RNASEL: variants seen among roughly 807,000 people sequenced by gnomAD.
The protein encoded by RNASEL is 2-5A-dependent ribonuclease.
In RNASEL, 36 loss-of-function variants were observed where a neutral mutation model predicts 50.9. The ratio of observed to expected loss-of-function variants is 0.71; its 90% confidence interval spans 0.54 to 0.93. The LOEUF (loss-of-function observed/expected upper bound fraction) is 0.93. RNASEL is among the 40% of genes least tolerant of loss of function. RNASEL has a pLI of 0.00. For missense variants in RNASEL, 860 were observed against 894.5 expected (o/e 0.96, Z 0.49); for synonymous variants, 335 against 335.6 (o/e 1.00, Z 0.02).
rs2102370947 is a variant in RNASEL at position 182,585,926 on chromosome 1, T to C, written c.881A>G (p.Lys294Arg). ...KLKKIAELLC[K>R]RGASTDCGDL... ...CCCACAATCTGTACTGGCTCCACGT[T>C]TGCACAGCAACTCGGCGATTTTCTT... Residue 294 changes from lysine to arginine, a missense_variant, in exon 2 of 7, where the codon AAA (lysine) becomes AGA (arginine). Coordinates refer to ENST00000367559, the MANE Select transcript of RNASEL (RefSeq NM_021133.4). 2 of 1,614,182 alleles carry C rather than the reference T, an allele frequency of 1.2e-6. No homozygotes were observed. Among genetic ancestry groups the C allele is most frequent in the Non-Finnish European group, 1.7e-6 (2 of 1,180,020 alleles).
At chr1:182,581,416 C>T (rs1661493754) in intron 4 of RNASEL, 59 bp from the exon 5 acceptor site, 3 of 1,603,870 alleles carry the variant, frequency 1.9e-6, no homozygotes, top group South Asian at 2.2e-5. Flanking sequence ...CTTTCCTTTT[C>T]CAGAAAAAGA....
chr1:182,575,376 C>T lies in RNASEL; in HGVS notation c.*16G>A. 6.2e-7 allele frequency: 1 copy of T among 1,612,552 alleles called. No homozygotes were observed. The highest frequency in any genetic ancestry group is 1.3e-5 in the African/African-American group (1 of 75,000). On this transcript the variant is annotated 3_prime_UTR_variant, in exon 7 of 7. Coordinates refer to ENST00000367559, the MANE Select transcript of RNASEL (RefSeq NM_021133.4). Reference sequence around the variant, plus strand: ...CAGCTAATAAGTAGTTCCCTGAACTCCAGCAAATCAGTCCATCAGCACCCA... The same window carrying T: ...CAGCTAATAAGTAGTTCCCTGAACTTCAGCAAATCAGTCCATCAGCACCCA...
chr1:182,575,606 T>A (rs771526185), intron 6 of RNASEL, 28 bp from the exon 7 acceptor site: 6 of 1,613,464 alleles, frequency 3.7e-6, no homozygotes, highest in East Asian at 2.2e-5. Flanking sequence ...TTGTTCAGCA[T>A]GCTTGCCCCA....
At chr1:182,579,519 G>A (rs1184170021) in intron 5 of RNASEL, 18 of 1,102,908 alleles carry the variant, frequency 1.6e-5, no homozygotes, top group Non-Finnish European at 2.0e-5. Context: ...AAGCACGTAT[G>A]TGTGGCAGGA....
intron 5 of RNASEL, chr1:182,578,369 A>G (rs536109093): frequency 1.3e-5 from 2 of 152,266 alleles, no homozygotes; most frequent in African/African-American, 4.8e-5. Flanking sequence ...GCCAAAAAGC[A>G]TATGAAAAAA....
intron 3 of RNASEL, among the ~76,000 whole-genome samples, chr1:182,583,408 C>A (rs1661531698): frequency 6.6e-6 from 1 of 152,186 alleles, no homozygotes; most frequent in Non-Finnish European, 1.5e-5. Context: ...CTTGAACATT[C>A]TTTTTTTCCT....
intron 1 of RNASEL, among the ~76,000 whole-genome samples, chr1:182,588,498 T>C (rs1661641698): frequency 6.6e-6 from 1 of 152,202 alleles, no homozygotes; most frequent in Admixed American, 6.5e-5. Flanking sequence ...CTGGCAGCTA[T>C]CAATTTCGTC....
intron 5 of RNASEL, among the ~76,000 whole-genome samples, chr1:182,580,351 A>T (rs1453506146): frequency 6.6e-6 from 1 of 152,176 alleles, no homozygotes; most frequent in African/African-American, 2.4e-5. Flanking sequence ...CAGTCTAGAG[A>T]CCAGTGAGGG....
At chr1:182,584,900 C>A (rs923244530) in intron 2 of RNASEL, among the ~76,000 whole-genome samples, 3 of 152,158 alleles carry the variant, frequency 2.0e-5, no homozygotes, top group Non-Finnish European at 4.4e-5. Context: ...CTGACTTGTT[C>A]TGCCTTGGAG....
At chr1:182,579,479 A>T (rs1661451227) in intron 5 of RNASEL, 1 of 1,030,596 alleles carries the variant, frequency 9.7e-7, no homozygotes, top group Admixed American at 5.1e-5. Context: ...GGCCAGGTGC[A>T]CTCTGTGCAG....
At position 182,574,768 on chromosome 1, in the gene RNASEL, T is replaced by C. The variant is rs1661349469; in HGVS notation, c.*624A>G. ...CTGCCTTAAGGTCATGGAAAACCAA[T>C]GCAGTTGGTTCTGGAAGGAGTGGAA... is the stretch of plus-strand genomic sequence containing the variant. On this transcript the variant is annotated 3_prime_UTR_variant, in exon 7 of 7. Coordinates refer to ENST00000367559, the MANE Select transcript of RNASEL (RefSeq NM_021133.4). 8.6e-6 allele frequency: 2 copies of C among 232,060 alleles called. No homozygotes were observed. The highest frequency in any genetic ancestry group is 5.7e-5 in the Admixed American group (1 of 17,662). 14.4% of individuals were successfully genotyped at this position (232,060 alleles called of 1,614,324 possible).
At chr1:182,579,838 C>A in intron 5 of RNASEL, 3 of 692,226 alleles carry the variant, frequency 4.3e-6, no homozygotes, top group Non-Finnish European at 6.8e-6. Context: ...GCCTCAATTT[C>A]CTCAGTGAGT....
intron 2 of RNASEL, among the ~76,000 whole-genome samples, 161 bp downstream of exon 2, chr1:182,585,166 A>G (rs150572727): frequency 7.2e-5 from 11 of 152,370 alleles, no homozygotes; most frequent in Non-Finnish European, 1.6e-4. Context: ...AATTGGTAGC[A>G]GGAGACACTG....
In RNASEL at chr1:182,582,173, AC is replaced by A. The variant is rs1661509245; in HGVS notation, c.1651del (p.Val551PhefsTer23). On this transcript the variant is annotated frameshift_variant, in exon 4 of 7. Transcript: ENST00000367559. LOFTEE classifies it high-confidence loss of function. ...AGTTTCCTCATCTGGAGAAAGTTGA[AC>A]CACCTCTTCATTACTTTGAGCTTTC... The part of the protein sequence containing the change: ...DLKAQSNEEV[V>X]QLSPDEETKD... 1 of 1,614,104 alleles carries A rather than the reference AC, an allele frequency of 6.2e-7. No homozygotes were observed. The highest frequency in any genetic ancestry group is 1.3e-5 in the African/African-American group (1 of 74,928).
intron 5 of RNASEL, among the ~76,000 whole-genome samples, chr1:182,580,463 G>C (rs1661471051): frequency 6.6e-6 from 1 of 152,224 alleles, no homozygotes; most frequent in Non-Finnish European, 1.5e-5. Context: ...TTCTCCCATA[G>C]TGCTTTGCAC....
chr1:182,580,928 A>T (rs532282113), intron 5 of RNASEL, among the ~76,000 whole-genome samples: 2,683 of 152,250 alleles, frequency 0.018, 83 homozygotes, highest in African/African-American at 0.062. Flanking sequence ...TAGGATTATC[A>T]GCTAAGTGAG....
intron 2 of RNASEL, among the ~76,000 whole-genome samples, chr1:182,584,983 T>C (rs958972316): frequency 6.6e-6 from 1 of 152,216 alleles, no homozygotes; most frequent in Non-Finnish European, 1.5e-5. Flanking sequence ...GTAAGTTTCA[T>C]GGTTACTGCC....
chr1:182,575,708 G>T, intron 6 of RNASEL, 130 bp from the exon 7 acceptor site: 1 of 1,135,976 alleles, frequency 8.8e-7, no homozygotes, highest in Non-Finnish European at 1.3e-6. Context: ...TTTGGAATCT[G>T]ACAGAGCAAG....
intron 1 of RNASEL, among the ~76,000 whole-genome samples, chr1:182,587,851 T>C (rs1005333375): frequency 6.6e-6 from 1 of 152,230 alleles, no homozygotes; most frequent in East Asian, 1.9e-4. Flanking sequence ...TTGACTTTGA[T>C]TTATGATTTT....
Sources: allele counts gnomAD v4.1 joint callset (sites outside exome capture counted in the v4.1 genomes callset), GRCh38; gene constraint gnomAD v4.1.1; transcripts MANE v1.5; gene names NCBI Gene and HGNC (gene_info 2026-07-23, HGNC 2026-07-21).